Variants in TULP4 observed in about 807,000 individuals in gnomAD.
The protein encoded by TULP4 is tubby-related protein 4.
In TULP4, 16 loss-of-function variants were observed where a neutral mutation model predicts 129.0. That is an observed-to-expected ratio of 0.12 (90% CI 0.08 to 0.19). The LOEUF is 0.19. TULP4 is among the 10% of genes least tolerant of loss of function. The pLI, the probability that TULP4 is intolerant of heterozygous loss-of-function variation, is 1.00. For synonymous variants in TULP4, 998 were observed against 854.0 expected (o/e 1.17, Z -2.94); for missense variants, 1,842 against 2,059.1 (o/e 0.89, Z 2.04).
upstream of TULP4, among the ~76,000 whole-genome samples, chr6:158,281,589 GCCTTAGAACCAAT>G (rs2128466604): frequency 6.6e-6 from 1 of 152,236 alleles, no homozygotes; most frequent in South Asian, 2.1e-4. Context: ...GCAGTGCCGA[GCCTTAGAACCAAT>G]CCTTAGCTTG....
chr6:158,240,855 C>T (rs1337426612), intron 1 of TULP4, among the ~76,000 whole-genome samples: 101 of 151,110 alleles, frequency 6.7e-4, no homozygotes, highest in South Asian at 1.3e-3. Context: ...GCTGACCCCC[C>T]ACCTCCCTCC....
At chr6:158,366,229 C>T (rs1780961008) in intron 1 of TULP4, among the ~76,000 whole-genome samples, 1 of 152,162 alleles carries the variant, frequency 6.6e-6, no homozygotes, top group Non-Finnish European at 1.5e-5. Flanking sequence ...GTTGGTTTCC[C>T]TCACAAGCTT....
At chr6:158,298,472 C>T (rs1779076964) in intron 1 of TULP4, among the ~76,000 whole-genome samples, 1 of 152,192 alleles carries the variant, frequency 6.6e-6, no homozygotes, top group South Asian at 2.1e-4. Flanking sequence ...CGCAACATCT[C>T]TCCCTTTCTT....
At chr6:158,439,700 C>CTTTTTTTTTTTTTTTTTTTTTTT in intron 3 of TULP4, among the ~76,000 whole-genome samples, 1 of 68,234 alleles carries the variant, frequency 1.5e-5, no homozygotes, top group Non-Finnish European at 2.5e-5. Flanking sequence ...ACTAGAGTTT[C>CTTTTTTTTTTTTTTTTTTTTTTT]TTTTTTTTTT....
At chr6:158,310,946 A>G (rs1215661131), upstream of TULP4, among the ~76,000 whole-genome samples, 1 of 152,158 alleles carries the variant, frequency 6.6e-6, no homozygotes, top group Non-Finnish European at 1.5e-5. Context: ...AGATGTTCTT[A>G]AGTGAGGCTG....
chr6:158,506,163 G>A (rs1346901416), intron 13 of TULP4, among the ~76,000 whole-genome samples: 8 of 150,350 alleles, frequency 5.3e-5, no homozygotes, highest in Non-Finnish European at 1.5e-5. Flanking sequence ...CTCATAGACG[G>A]TGCTGTCTGC....
At chr6:158,421,041 G>A (rs1329733629) in intron 2 of TULP4, among the ~76,000 whole-genome samples, 14 of 152,096 alleles carry the variant, frequency 9.2e-5, no homozygotes, top group South Asian at 2.1e-4. Context: ...TTGGAGAGGC[G>A]TGAGACATTA....
chr6:158,275,067 C>T (rs1453361997), intron 1 of TULP4, among the ~76,000 whole-genome samples: 1 of 152,194 alleles, frequency 6.6e-6, no homozygotes, highest in African/African-American at 2.4e-5. Flanking sequence ...TAGGCTATAT[C>T]AGCATTCCAT....
At position 158,509,665 on chromosome 6, in the gene TULP4, G is replaced by A. The variant is rs558860717; in HGVS notation, c.*2971G>A. 1 of 152,302 alleles carries A rather than the reference G, an allele frequency of 6.6e-6. No individual in the cohort carries two copies. Among genetic ancestry groups the A allele is most frequent in the South Asian group, 2.1e-4 (1 of 4,820 alleles). 9.4% of individuals were successfully genotyped at this position (152,302 alleles called of 1,614,324 possible). ...GGCGCTTTCCCCCGATGGAGGCACA[G>A]GCTTCTGTCTCGGATGTTTGGCGCA... is the stretch of plus-strand genomic sequence containing the variant. On this transcript the variant is annotated 3_prime_UTR_variant, in exon 14 of 14. Coordinates refer to ENST00000367097, the MANE Select transcript of TULP4 (RefSeq NM_020245.5).
intron 1 of TULP4, among the ~76,000 whole-genome samples, chr6:158,266,500 C>G (rs1161326086): frequency 2.6e-5 from 4 of 152,206 alleles, no homozygotes; most frequent in Non-Finnish European, 5.9e-5. Flanking sequence ...TAGCAATCTG[C>G]CCATCTTGGC....
chr6:158,322,495 G>A (rs1209298615), intron 1 of TULP4, among the ~76,000 whole-genome samples: 2 of 152,128 alleles, frequency 1.3e-5, no homozygotes, highest in African/African-American at 4.8e-5. Context: ...GAAGGGCTGT[G>A]AAAATGGTAT....
intron 1 of TULP4, among the ~76,000 whole-genome samples, chr6:158,397,510 T>G (rs543424351): frequency 1.3e-4 from 19 of 151,882 alleles, no homozygotes; most frequent in South Asian, 4.2e-4. Flanking sequence ...AAACATTGAG[T>G]TTTTTTTGCA....
intron 1 of TULP4, among the ~76,000 whole-genome samples, chr6:158,349,347 C>T (rs377162684): frequency 1.1e-4 from 16 of 142,686 alleles, no homozygotes; most frequent in African/African-American, 3.2e-4. Flanking sequence ...CAGAGGCACT[C>T]CTCACCTCTC....
At chr6:158,349,775 C>T (rs1449525007) in intron 1 of TULP4, among the ~76,000 whole-genome samples, 1 of 143,898 alleles carries the variant, frequency 6.9e-6, no homozygotes, top group African/African-American at 2.6e-5. Flanking sequence ...AGGCACTCCT[C>T]ACTTCCTCCC....
chr6:158,251,073 G>A (rs1447982527), intron 1 of TULP4, among the ~76,000 whole-genome samples: 1 of 152,178 alleles, frequency 6.6e-6, no homozygotes, highest in Non-Finnish European at 1.5e-5. Context: ...GGGAGGCTGG[G>A]CGCATTCACA....
At chr6:158,459,759 A>G (rs1033240331) in intron 5 of TULP4, among the ~76,000 whole-genome samples, 2 of 152,192 alleles carry the variant, frequency 1.3e-5, no homozygotes, top group African/African-American at 4.8e-5. Flanking sequence ...TGTCCTAAGA[A>G]GCTTGAGACA....
rs534836720 is a variant in TULP4, at chr6:158,484,744, G to A, written c.1486+3455G>A. On this transcript the variant is annotated intron_variant, in intron 8 of 13. Transcript: ENST00000367097. Reference sequence around the variant, plus strand: ...GCAAAGCCTTCACCAGGAAGCAGGCGTTGTCACCCTAACCTTGAGACTGCT... The same window carrying A: ...GCAAAGCCTTCACCAGGAAGCAGGCATTGTCACCCTAACCTTGAGACTGCT... 7.2e-5 allele frequency among the ~76,000 whole-genome samples: 11 copies of A among 152,348 alleles called. No homozygotes were observed. In the East Asian group the frequency reaches 9.7e-4, roughly 13 times the overall value.
intron 1 of TULP4, among the ~76,000 whole-genome samples, chr6:158,318,664 A>G (rs978741323): frequency 1.2e-4 from 18 of 152,008 alleles, no homozygotes; most frequent in African/African-American, 4.1e-4. Context: ...TGTTAAATAC[A>G]AGTCTATAAC....
At chr6:158,312,276 A>G (rs765246724), upstream of TULP4, 15 of 396,446 alleles carry the variant, frequency 3.8e-5, no homozygotes, top group Admixed American at 8.8e-5. Flanking sequence ...GAGCAACTTG[A>G]CACCAGTGGG....
Sources: gnomAD v4.1 joint callset for allele counts (sites outside exome capture counted in the v4.1 genomes callset) on GRCh38, gnomAD v4.1.1 for gene constraint, MANE v1.5 for transcripts, NCBI Gene and HGNC (gene_info 2026-07-23, HGNC 2026-07-21) for gene names.